SPSB4: variants seen among roughly 807,000 people sequenced by gnomAD.
SPSB4 encodes SPRY domain-containing SOCS box protein 4.
In SPSB4, 21 loss-of-function variants were observed where a neutral mutation model predicts 20.9. That is an observed-to-expected ratio of 1.01 (90% CI 0.71 to 1.45). SPSB4 has a LOEUF of 1.45. Among genes scored for constraint, SPSB4 ranks in the 40% most tolerant of loss-of-function variants. The pLI, the probability that SPSB4 is intolerant of heterozygous loss-of-function variation, is 0.00. For synonymous variants in SPSB4, 207 were observed against 183.8 expected (o/e 1.13, Z -1.02); for missense variants, 399 against 399.2 (o/e 1.00, Z 0.00).
chr3:141,135,202 T>G (rs1469795068), intron 2 of SPSB4, among the ~76,000 whole-genome samples: 3 of 152,040 alleles, frequency 2.0e-5, no homozygotes, highest in Non-Finnish European at 4.4e-5. Flanking sequence ...TTCTTTTTAC[T>G]TTATATTATA....
chr3:141,120,710 T>C (rs1938952561), intron 2 of SPSB4, among the ~76,000 whole-genome samples: 1 of 152,212 alleles, frequency 6.6e-6, no homozygotes, highest in Admixed American at 6.5e-5. Flanking sequence ...TAAAGTCTGT[T>C]TTATCAGAGA....
At chr3:141,110,165 C>G (rs1402781176) in intron 2 of SPSB4, among the ~76,000 whole-genome samples, 1 of 152,164 alleles carries the variant, frequency 6.6e-6, no homozygotes, top group African/African-American at 2.4e-5. Flanking sequence ...CAGCCCTGTC[C>G]CAGGGCTGGA....
chr3:141,146,895 A>G (rs999112600), intron 2 of SPSB4, among the ~76,000 whole-genome samples: 13 of 152,038 alleles, frequency 8.6e-5, no homozygotes, highest in Non-Finnish European at 1.8e-4. Flanking sequence ...AAAAAAAATT[A>G]TGGCTGGTCA....
chr3:141,096,756 T>G (rs139965415), intron 2 of SPSB4, among the ~76,000 whole-genome samples: 17 of 152,368 alleles, frequency 1.1e-4, no homozygotes, highest in African/African-American at 4.1e-4. Context: ...ATAATGCTTT[T>G]TTTTGGTAGA....
chr3:141,137,179 C>T (rs1319037395), intron 2 of SPSB4, among the ~76,000 whole-genome samples: 2 of 152,118 alleles, frequency 1.3e-5, no homozygotes, highest in Non-Finnish European at 2.9e-5. Context: ...GTGATTTTTG[C>T]ACATTGATTT....
intron 2 of SPSB4, among the ~76,000 whole-genome samples, chr3:141,126,800 G>C (rs921698358): frequency 6.6e-6 from 1 of 152,182 alleles, no homozygotes; most frequent in Non-Finnish European, 1.5e-5. Context: ...AGCCCACTCC[G>C]ACCCCTTCCA....
At chr3:141,054,746 G>T (rs972690114) in intron 1 of SPSB4, among the ~76,000 whole-genome samples, 1 of 152,164 alleles carries the variant, frequency 6.6e-6, no homozygotes, top group South Asian at 2.1e-4. Context: ...CGGGGGGATC[G>T]CAAGGTCAGG....
At chr3:141,139,980 G>T (rs1326881078) in intron 2 of SPSB4, among the ~76,000 whole-genome samples, 1 of 152,122 alleles carries the variant, frequency 6.6e-6, no homozygotes, top group Non-Finnish European at 1.5e-5. Context: ...CCAATTAGAT[G>T]TAGATTTGGT....
rs1328469567 is a variant in SPSB4, at chr3:141,066,602, G to C, written c.498G>C (p.Gly166=). Residue 166 remains glycine, a synonymous_variant, in exon 2 of 3, where the codon GGG becomes GGC. Transcript: ENST00000310546. The part of the protein sequence containing the change: ...QPGVAYPAFL[G]PDEAFALPDS... Reference sequence around the variant, plus strand: ...GCGTGGCCTACCCGGCCTTTCTGGGGCCCGACGAGGCCTTTGCGCTGCCCG... The same window carrying C: ...GCGTGGCCTACCCGGCCTTTCTGGGCCCCGACGAGGCCTTTGCGCTGCCCG... 6.3e-7 allele frequency: 1 copy of C among 1,582,588 alleles called. No individual in the cohort carries two copies. Among genetic ancestry groups the C allele is most frequent in the Non-Finnish European group, 8.6e-7 (1 of 1,164,672 alleles).
chr3:141,054,836 G>A (rs1490050032), intron 1 of SPSB4, among the ~76,000 whole-genome samples: 2 of 152,342 alleles, frequency 1.3e-5, no homozygotes, highest in East Asian at 3.9e-4. Flanking sequence ...GTGGCGGCTT[G>A]CGCCTGTAGT....
intron 2 of SPSB4, among the ~76,000 whole-genome samples, chr3:141,087,610 CCCATTTT>C (rs1234235202): frequency 1.3e-5 from 2 of 152,174 alleles, no homozygotes; most frequent in Non-Finnish European, 2.9e-5. Context: ...GTGTGATGTA[CCCATTTT>C]CCAGATGAGC....
intron 1 of SPSB4, among the ~76,000 whole-genome samples, chr3:141,062,822 G>C (rs943998654): frequency 6.6e-6 from 1 of 152,104 alleles, no homozygotes; most frequent in Non-Finnish European, 1.5e-5. Flanking sequence ...ATCATTCCAT[G>C]AACACTTGAA....
intron 2 of SPSB4, among the ~76,000 whole-genome samples, chr3:141,069,990 GGAGGTGT>G (rs1937965711): frequency 6.6e-6 from 1 of 152,202 alleles, no homozygotes; most frequent in Admixed American, 6.5e-5. Flanking sequence ...ACGAACTCCT[GGAGGTGT>G]GATTTCCTAT....
At chr3:141,092,649 G>C (rs1938477166) in intron 2 of SPSB4, among the ~76,000 whole-genome samples, 1 of 152,216 alleles carries the variant, frequency 6.6e-6, no homozygotes, top group Non-Finnish European at 1.5e-5. Context: ...TGGCCCTTTA[G>C]AGGCTTGACT....
intron 2 of SPSB4, among the ~76,000 whole-genome samples, chr3:141,145,497 T>C (rs897807128): frequency 2.0e-5 from 3 of 152,130 alleles, no homozygotes; most frequent in African/African-American, 7.2e-5. Flanking sequence ...CAGGTTGTGA[T>C]AAAAAAATGT....
intron 2 of SPSB4, among the ~76,000 whole-genome samples, chr3:141,075,408 C>T (rs1226942767): frequency 1.3e-5 from 2 of 151,806 alleles, no homozygotes; most frequent in Non-Finnish European, 2.9e-5. Flanking sequence ...AAGAACTGGT[C>T]TTCCTGTTTA....
intron 1 of SPSB4, among the ~76,000 whole-genome samples, chr3:141,059,484 C>G (rs1937723162): frequency 7.1e-6 from 1 of 140,056 alleles, no homozygotes; most frequent in African/African-American, 2.7e-5. Flanking sequence ...ATGGTGAAAA[C>G]AAGAGCAAGA....
intron 2 of SPSB4, among the ~76,000 whole-genome samples, chr3:141,090,890 G>A (rs55813223): frequency 0.21 from 31,273 of 152,084 alleles, 3,428 homozygotes; most frequent in Non-Finnish European, 0.25. Context: ...GGCTTGGCTC[G>A]GGATGGCAGC....
At chr3:141,108,830 C>T (rs996836625) in intron 2 of SPSB4, among the ~76,000 whole-genome samples, 2 of 152,136 alleles carry the variant, frequency 1.3e-5, no homozygotes, top group Non-Finnish European at 2.9e-5. Flanking sequence ...TATCCCTTTC[C>T]CTAGATGGAG....
Sources: allele counts gnomAD v4.1 joint callset (sites outside exome capture counted in the v4.1 genomes callset), GRCh38; gene constraint gnomAD v4.1.1; transcripts MANE v1.5; gene names NCBI Gene and HGNC (gene_info 2026-07-23, HGNC 2026-07-21).